Variants in PPFIA2 observed in about 807,000 individuals in gnomAD.
PPFIA2 encodes the protein PPFI scaffold protein A2.
Under a neutral mutation model 175.5 loss-of-function variants are expected in PPFIA2, and 46 were observed. The ratio of observed to expected loss-of-function variants is 0.26; its 90% CI spans 0.21 to 0.34. The LOEUF (loss-of-function observed/expected upper bound fraction) is 0.34, where lower values mean the gene tolerates loss of function less well. Among genes scored for constraint, PPFIA2 ranks in the 10% least tolerant of loss-of-function variants. The probability of loss-of-function intolerance (pLI) is 1.00; values close to 1 mark genes in which losing one functional copy is unlikely to be tolerated. For synonymous variants in PPFIA2, 568 were observed against 511.4 expected, an observed-to-expected ratio of 1.11 and a Z score of -1.49; for missense variants, 1,179 against 1,506.1, an observed-to-expected ratio of 0.78 and a Z score of 3.60.
intron 4 of PPFIA2, among the ~76,000 whole-genome samples, chr12:81,541,506 A>G (rs577297233): frequency 1.2e-4 from 19 of 152,270 alleles, no homozygotes; most frequent in African/African-American, 4.1e-4. Context: ...AAAGTAAATC[A>G]GTTTTGGTGA....
chr12:81,569,544 A>G (rs2072070390), intron 4 of PPFIA2, among the ~76,000 whole-genome samples: 1 of 152,160 alleles, frequency 6.6e-6, no homozygotes, highest in African/African-American at 2.4e-5. Flanking sequence ...ATACTTGCAG[A>G]TTTTTCAAAA....
intron 4 of PPFIA2, among the ~76,000 whole-genome samples, chr12:81,651,454 A>C (rs1297354068): frequency 6.6e-6 from 1 of 152,134 alleles, no homozygotes; most frequent in Admixed American, 6.5e-5. Context: ...TCTGTATTGT[A>C]TTACACTTAC....
intron 19 of PPFIA2, among the ~76,000 whole-genome samples, chr12:81,343,469 A>ATTT (rs1324134336): frequency 1.3e-5 from 2 of 152,108 alleles, no homozygotes; most frequent in African/African-American, 4.8e-5. Context: ...CCAGGAAAAT[A>ATTT]AAATGGTAAT....
At chr12:81,492,602 T>C (rs1318451343) in intron 4 of PPFIA2, among the ~76,000 whole-genome samples, 1 of 151,796 alleles carries the variant, frequency 6.6e-6, no homozygotes, top group South Asian at 2.1e-4. Context: ...TGTGAGTAGA[T>C]AAGGGGTAGT....
chr12:81,707,461 G>A (rs61933833), intron 3 of PPFIA2, among the ~76,000 whole-genome samples: 9 of 152,130 alleles, frequency 5.9e-5, no homozygotes, highest in African/African-American at 1.9e-4. Flanking sequence ...GCAAATCAAA[G>A]CCACAATGAG....
At chr12:81,262,928 T>C (rs186815749) in intron 31 of PPFIA2, among the ~76,000 whole-genome samples, 36 of 152,338 alleles carry the variant, frequency 2.4e-4, no homozygotes, top group African/African-American at 8.2e-4. Context: ...ATTGTTAATT[T>C]TGGGAATAGA....
intron 4 of PPFIA2, among the ~76,000 whole-genome samples, chr12:81,533,263 A>G (rs2064854710): frequency 6.6e-6 from 1 of 151,828 alleles, no homozygotes; most frequent in Admixed American, 6.6e-5. Flanking sequence ...AAAGGATGAC[A>G]TCACAATATT....
At chr12:81,551,153 C>T (rs1594832587) in intron 4 of PPFIA2, among the ~76,000 whole-genome samples, 1 of 151,894 alleles carries the variant, frequency 6.6e-6, no homozygotes, top group African/African-American at 2.4e-5. Flanking sequence ...TTGCTGCCAA[C>T]ACATCAAGGT....
intron 4 of PPFIA2, among the ~76,000 whole-genome samples, chr12:81,666,613 G>A (rs1481803802): frequency 2.0e-5 from 3 of 152,092 alleles, no homozygotes; most frequent in Non-Finnish European, 4.4e-5. Flanking sequence ...GCCTGTTGTG[G>A]GGTGGAGAGA....
chr12:81,294,435 T>TAGGAAGGAAGGAAGGAAGGA (rs1359167074), intron 24 of PPFIA2: 6 of 83,348 alleles, frequency 7.2e-5, no homozygotes, highest in African/African-American at 2.6e-4. Flanking sequence ...GGAAGGAAGG[T>TAGGAAGGAAGGAAGGAAGGA]AGGTAGGAAG....
chr12:81,565,604 A>G (rs1483009860), intron 4 of PPFIA2, among the ~76,000 whole-genome samples: 2 of 152,194 alleles, frequency 1.3e-5, no homozygotes, highest in African/African-American at 4.8e-5. Flanking sequence ...AGCCTGAGAA[A>G]AATATTTTAA....
At chr12:81,693,916 T>A (rs924193844) in intron 3 of PPFIA2, among the ~76,000 whole-genome samples, 31 of 152,202 alleles carry the variant, frequency 2.0e-4, no homozygotes, top group African/African-American at 7.2e-4. Context: ...ACTATAGGGA[T>A]CTGTGGAAGT....
chr12:81,662,480 A>C (rs1231388966), intron 4 of PPFIA2, among the ~76,000 whole-genome samples: 1 of 152,040 alleles, frequency 6.6e-6, no homozygotes, highest in Admixed American at 6.6e-5. Flanking sequence ...CGACACATAC[A>C]CCCTCCCAAG....
chr12:81,641,120 T>A (rs963994353), intron 4 of PPFIA2, among the ~76,000 whole-genome samples: 1 of 152,156 alleles, frequency 6.6e-6, no homozygotes, highest in Non-Finnish European at 1.5e-5. Context: ...ACATTTCAAA[T>A]CTTCTCTTCC....
At chr12:81,745,060 C>T (rs2082862755) in intron 3 of PPFIA2, among the ~76,000 whole-genome samples, 3 of 152,172 alleles carry the variant, frequency 2.0e-5, no homozygotes, top group Admixed American at 6.5e-5. Context: ...TCCTCTGATT[C>T]CCTCAGGTTA....
intron 4 of PPFIA2, among the ~76,000 whole-genome samples, chr12:81,673,848 C>T (rs1464027388): frequency 2.0e-5 from 3 of 151,746 alleles, no homozygotes; most frequent in African/African-American, 7.3e-5. Context: ...TTGAATCACC[C>T]TTGAAAATCA....
chr12:81,543,211 C>T lies in PPFIA2; in HGVS notation c.304-85345G>A, dbSNP rs112031680. On this transcript the variant is annotated intron_variant, in intron 4 of 32. Transcript: ENST00000549396. ...AAGATCCACGGAGAAATAGCTGATT[C>T]TAGGACTGGGTTGGGAAATATACAA... Among the ~76,000 whole-genome samples the T allele has an allele frequency of 3.0e-3, 449 of 152,166 alleles. 5 individuals carry two copies. Among genetic ancestry groups the T allele is most frequent in the African/African-American group, 0.01 (418 of 41,516 alleles).
At chr12:81,688,337 A>C (rs1165026893) in intron 3 of PPFIA2, among the ~76,000 whole-genome samples, 1 of 151,934 alleles carries the variant, frequency 6.6e-6, no homozygotes, top group African/African-American at 2.4e-5. Flanking sequence ...TGAGAAGAAG[A>C]ATTCAACATT....
chr12:81,416,863 C>T (rs1389462217), intron 7 of PPFIA2, among the ~76,000 whole-genome samples: 2 of 151,616 alleles, frequency 1.3e-5, no homozygotes, highest in African/African-American at 2.4e-5. Flanking sequence ...AGAGTGAATG[C>T]AAACTAAATA....
Sources: gnomAD v4.1 joint callset for allele counts (sites outside exome capture counted in the v4.1 genomes callset) on GRCh38, gnomAD v4.1.1 for gene constraint, MANE v1.5 for transcripts, NCBI Gene and HGNC (gene_info 2026-07-23, HGNC 2026-07-21) for gene names.